PCDH15: variants seen among roughly 807,000 people sequenced by gnomAD.
PCDH15 encodes protocadherin related 15.
In PCDH15, 129 loss-of-function variants were observed where a neutral mutation model predicts 178.5. The observed-to-expected ratio is 0.72, with a 90% confidence interval of 0.63 to 0.84. PCDH15 has a LOEUF of 0.84. Among genes scored for constraint, PCDH15 ranks in the 40% least tolerant of loss-of-function variants. PCDH15 has a pLI of 0.00. For missense variants in PCDH15, 2,230 were observed against 2,099.9 expected, an observed-to-expected ratio of 1.06 and a Z score of -1.21; for synonymous variants, 800 against 732.0, an observed-to-expected ratio of 1.09 and a Z score of -1.50.
rs569241594 is a variant in PCDH15, at chr10:55,073,768, T to G, written c.-80+92808A>C. ...TTGGGAGAATTCAGCAGAGAATTCA[T>G]CTAACCGTAGGCTTTTTTGGGGGGG... is the stretch of plus-strand genomic sequence containing the variant. On this transcript the variant is annotated intron_variant, in intron 2 of 5. Coordinates refer to the PCDH15 transcript ENST00000458638. Among the ~76,000 whole-genome samples, 3 of 152,270 alleles carry G rather than the reference T, an allele frequency of 2.0e-5. No homozygotes were observed. In the South Asian group the frequency reaches 6.2e-4, roughly 32 times the overall value.
chr10:54,039,804 C>T (rs1428654016), intron 18 of PCDH15, among the ~76,000 whole-genome samples: 1 of 152,014 alleles, frequency 6.6e-6, no homozygotes, highest in African/African-American at 2.4e-5. Context: ...TGTTGCCTCT[C>T]TTTCTGGCAT....
At chr10:55,618,019 T>C (rs976877606) in intron 2 of PCDH15, among the ~76,000 whole-genome samples, 3 of 152,054 alleles carry the variant, frequency 2.0e-5, no homozygotes, top group Non-Finnish European at 2.9e-5. Context: ...AATATAGTGT[T>C]TATAGAAAGA....
intron 2 of PCDH15, among the ~76,000 whole-genome samples, chr10:55,604,543 A>C (rs7917048): frequency 7.6e-6 from 1 of 131,922 alleles, no homozygotes; most frequent in East Asian, 2.5e-4. Context: ...ATAACAAACT[A>C]TCTCTCAGAC....
intron 17 of PCDH15, among the ~76,000 whole-genome samples, chr10:54,073,226 T>C (rs1489720345): frequency 1.3e-5 from 2 of 150,592 alleles, no homozygotes; most frequent in African/African-American, 4.9e-5. Flanking sequence ...AGTATACCTG[T>C]ATACTATAGT....
At chr10:54,463,050 G>A (rs1365263298) in intron 3 of PCDH15, among the ~76,000 whole-genome samples, 1 of 151,912 alleles carries the variant, frequency 6.6e-6, no homozygotes, top group African/African-American at 2.4e-5. Context: ...TTTTAAGCTC[G>A]TTATAAGATC....
intron 8 of PCDH15, among the ~76,000 whole-genome samples, chr10:54,314,811 G>GT (rs1391412726): frequency 6.6e-6 from 1 of 152,002 alleles, no homozygotes; most frequent in African/African-American, 2.4e-5. Context: ...TCCTGTGTTA[G>GT]TTTGCTAAGG....
At chr10:54,514,938 G>A (rs752699225) in intron 3 of PCDH15, among the ~76,000 whole-genome samples, 6 of 152,160 alleles carry the variant, frequency 3.9e-5, no homozygotes, top group Non-Finnish European at 7.4e-5. Context: ...TAGACTGATT[G>A]TTTCTAAGAT....
chr10:54,146,676 C>A (rs1185521044), intron 14 of PCDH15, among the ~76,000 whole-genome samples: 4 of 151,304 alleles, frequency 2.6e-5, no homozygotes, highest in Non-Finnish European at 5.9e-5. Context: ...ATTAGAATAA[C>A]ACAGACATAC....
intron 2 of PCDH15, among the ~76,000 whole-genome samples, chr10:54,917,798 T>C (rs1362134870): frequency 1.3e-5 from 2 of 152,208 alleles, no homozygotes; most frequent in African/African-American, 4.8e-5. Context: ...TAACTGAATC[T>C]GTGTTTCCTT....
At chr10:54,316,571 CACACA>C (rs2061292126) in intron 8 of PCDH15, among the ~76,000 whole-genome samples, 1 of 45,762 alleles carries the variant, frequency 2.2e-5, no homozygotes, top group South Asian at 5.5e-4. Flanking sequence ...CACACACACA[CACACA>C]AATACACCTT....
intron 3 of PCDH15, among the ~76,000 whole-genome samples, chr10:54,521,920 T>C (rs1483789746): frequency 6.6e-6 from 1 of 151,904 alleles, no homozygotes; most frequent in African/African-American, 2.4e-5. Context: ...GAACCCCATC[T>C]CTACTAAAGT....
rs2060585957 is a variant in PCDH15, at chr10:54,307,102, GTGTATATATATATATATATATATATATA to G, written c.876+10141_876+10168del. Among the ~76,000 whole-genome samples the G allele has an allele frequency of 1.7e-4, 2 of 11,734 alleles. 1 individual carries two copies. Among genetic ancestry groups the G allele is most frequent in the African/African-American group, 8.2e-4 (2 of 2,444 alleles). The allele number at this position is 11,734 out of a possible 152,430, so 7.7% of individuals were successfully genotyped here. Reference sequence around the variant, plus strand: ...TATACATATATATATATGTGTGTGTGTGTATATATATATATATATATATATATATATATATATATATATATATAAAATT... The same window carrying G: ...TATACATATATATATATGTGTGTGTGTATATATATATATATATATAAAATT... On this transcript the variant is annotated intron_variant, in intron 8 of 37. Transcript: ENST00000644397.
At chr10:55,536,383 C>A (rs1219325237) in intron 2 of PCDH15, among the ~76,000 whole-genome samples, 1 of 152,072 alleles carries the variant, frequency 6.6e-6, no homozygotes, top group African/African-American at 2.4e-5. Context: ...GCTTAGTTTG[C>A]ACTGCTGTAC....
intron 5 of PCDH15, among the ~76,000 whole-genome samples, chr10:54,352,073 T>C (rs1047137796): frequency 2.0e-5 from 3 of 152,196 alleles, no homozygotes; most frequent in Non-Finnish European, 4.4e-5. Context: ...TATCATTGTG[T>C]TGGTAGATAA....
Position 54,155,695 on chromosome 10 carries a change from A to G in PCDH15, c.1591-2402T>C, listed in dbSNP as rs900986137. Among the ~76,000 whole-genome samples the G allele has an allele frequency of 2.6e-5, 4 of 151,436 alleles. No homozygotes were observed. The East Asian group carries it at 5.8e-4, about 22-fold the overall frequency. The stretch of plus-strand genomic sequence containing the variant: ...AAGACCTTTTTTTTTTTAAACCTCA[A>G]CATTAGCAGGAGAATTGCTTGAACC... On this transcript the variant is annotated intron_variant, in intron 13 of 37. Coordinates refer to ENST00000644397, the MANE Select transcript of PCDH15 (RefSeq NM_001384140.1).
At chr10:54,044,690 G>A (rs1412978401) in intron 18 of PCDH15, among the ~76,000 whole-genome samples, 1 of 152,104 alleles carries the variant, frequency 6.6e-6, no homozygotes, top group Non-Finnish European at 1.5e-5. Context: ...GATCTATAAG[G>A]ATGGCTATCC....
intron 8 of PCDH15, among the ~76,000 whole-genome samples, chr10:54,285,173 A>T (rs1241189587): frequency 3.9e-5 from 6 of 152,168 alleles, no homozygotes; most frequent in Non-Finnish European, 7.4e-5. Context: ...ATAATACTTC[A>T]TGACATTGGT....
chr10:54,123,815 A>G (rs1326542025), intron 15 of PCDH15, among the ~76,000 whole-genome samples: 1 of 152,204 alleles, frequency 6.6e-6, no homozygotes, highest in African/African-American at 2.4e-5. Context: ...ACGGAATACT[A>G]CATAGCCCTA....
chr10:54,314,651 C>A (rs2061128567), intron 8 of PCDH15, among the ~76,000 whole-genome samples: 1 of 151,988 alleles, frequency 6.6e-6, no homozygotes, highest in African/African-American at 2.4e-5. Context: ...AAGCCCAGTA[C>A]CCAATAGTCA....
Sources: gnomAD v4.1 joint callset for allele counts (sites outside exome capture counted in the v4.1 genomes callset) on GRCh38, gnomAD v4.1.1 for gene constraint, MANE v1.5 for transcripts, NCBI Gene and HGNC (gene_info 2026-07-23, HGNC 2026-07-21) for gene names.